ABCA13: variants seen among roughly 807,000 people sequenced by gnomAD.
ABCA13 encodes ATP-binding cassette sub-family A member 13.
A neutral mutation model predicts 478.7 loss-of-function variants in ABCA13; 476 were observed. That is an observed-to-expected ratio of 0.99 (90% CI 0.92 to 1.07). ABCA13 has a LOEUF of 1.07. ABCA13 is among the 50% of genes least tolerant of loss of function. The probability of loss-of-function intolerance (pLI) is 0.00; values close to 1 mark genes in which losing one functional copy is unlikely to be tolerated. For synonymous variants in ABCA13, 2,252 were observed against 2,158.9 expected (o/e 1.04, Z -1.20); for missense variants, 6,060 against 5,910.6 (o/e 1.03, Z -0.83).
chr7:48,270,010 C>A (rs114285803), intron 16 of ABCA13, among the ~76,000 whole-genome samples: 77 of 152,196 alleles, frequency 5.1e-4, no homozygotes, highest in African/African-American at 1.7e-3. Context: ...CCTAGAAAAC[C>A]AGCACAAAAC....
intron 8 of ABCA13, among the ~76,000 whole-genome samples, chr7:48,236,352 A>G (rs1159959805): frequency 6.6e-6 from 1 of 152,194 alleles, no homozygotes; most frequent in Non-Finnish European, 1.5e-5. Flanking sequence ...TTCTTTATAA[A>G]TCTAAATTTC....
chr7:48,403,859 T>G lies in ABCA13; in HGVS notation c.12050T>G (p.Ile4017Ser). Residue 4017 changes from isoleucine to serine, a missense_variant, in exon 39 of 62, where the codon ATT becomes AGT. Ile to Ser is a moderately radical substitution (Grantham distance 142, BLOSUM62 -2). Around this residue, in one of 3 missense-constraint regions of ABCA13, gnomAD observed 1,627 missense variants for 1,571.0 expected, o/e 1.04. Coordinates refer to ENST00000435803, the MANE Select transcript of ABCA13 (RefSeq NM_152701.5). ...DPCSRHSLWD[I>S]LLKYREGRTI... ...TGCTCCCGGCATAGCCTGTGGGACA[T>G]TCTGCTCAAGTACCGAGAAGGTAGG... The G allele has an allele frequency of 6.2e-7, 1 of 1,613,510 alleles. No homozygotes were observed. The highest frequency in any genetic ancestry group is 8.5e-7 in the Non-Finnish European group (1 of 1,179,650).
At chr7:48,289,096 C>G (rs964089162) in intron 20 of ABCA13, among the ~76,000 whole-genome samples, 1 of 152,154 alleles carries the variant, frequency 6.6e-6, no homozygotes, top group South Asian at 2.1e-4. Context: ...CAGACTCCCA[C>G]AGCATGGCAA....
intron 31 of ABCA13, among the ~76,000 whole-genome samples, chr7:48,360,680 C>T (rs1810683257): frequency 6.6e-6 from 1 of 151,948 alleles, no homozygotes; most frequent in Admixed American, 6.5e-5. Context: ...CATTCTTTGT[C>T]GTTGTGATTC....
At chr7:48,256,473 A>G (rs1403352832) in intron 15 of ABCA13, among the ~76,000 whole-genome samples, 5 of 152,026 alleles carry the variant, frequency 3.3e-5, no homozygotes, top group African/African-American at 1.2e-4. Context: ...TGATTTTTTT[A>G]TATGAGATGA....
At chr7:48,237,534 T>C (rs1562847786) in intron 8 of ABCA13, among the ~76,000 whole-genome samples, 1 of 152,216 alleles carries the variant, frequency 6.6e-6, no homozygotes, top group Non-Finnish European at 1.5e-5. Context: ...TCAGCCATGC[T>C]AGACTTCTCT....
chr7:48,527,095 G>A (rs1292532188), intron 54 of ABCA13, among the ~76,000 whole-genome samples: 1 of 152,160 alleles, frequency 6.6e-6, no homozygotes, highest in African/African-American at 2.4e-5. Context: ...AAGGTGGGAG[G>A]ACAGGGTATG....
chr7:48,408,771 GTACA>G (rs1486008479), intron 39 of ABCA13, among the ~76,000 whole-genome samples: 32 of 152,042 alleles, frequency 2.1e-4, no homozygotes, highest in Admixed American at 2.0e-3. Context: ...GGGGTTTGTT[GTACA>G]GATTATTGCA....
Position 48,248,388 on chromosome 7 carries a change from C to T in ABCA13, c.1809C>T (p.Pro603=). 4 of 1,613,470 alleles carry T rather than the reference C, an allele frequency of 2.5e-6. No individual in the cohort carries two copies. Among genetic ancestry groups the T allele is most frequent in the Non-Finnish European group, 3.4e-6 (4 of 1,179,622 alleles). ...TCTTCCTGCTGCTGGGAGCTGATCC[C>T]TCTCCTGAGAATGATGTCTTTTCTA... The part of the protein sequence containing the change: ...TRLFLLLGAD[P]SPENDVFSSD... Residue 603 remains proline (P), a synonymous_variant, in exon 14 of 62, where the codon CCC becomes CCT. Coordinates refer to ENST00000435803, the MANE Select transcript of ABCA13 (RefSeq NM_152701.5).
At chr7:48,575,558 A>C (rs1788084917) in intron 55 of ABCA13, among the ~76,000 whole-genome samples, 1 of 152,224 alleles carries the variant, frequency 6.6e-6, no homozygotes, top group South Asian at 2.1e-4. Context: ...AAACTTGAGA[A>C]ATTGTTCTAC....
intron 9 of ABCA13, 69 bp downstream of exon 9, chr7:48,239,474 C>G: frequency 6.8e-7 from 1 of 1,481,330 alleles, no homozygotes; most frequent in Non-Finnish European, 9.0e-7. Context: ...CATTCTCCTC[C>G]CCTGCCCTGC....
chr7:48,568,194 C>G (rs1787271866), intron 55 of ABCA13, among the ~76,000 whole-genome samples: 3 of 152,076 alleles, frequency 2.0e-5, no homozygotes, highest in African/African-American at 7.2e-5. Context: ...ATTGCGTCCC[C>G]CCATTGTCAA....
At chr7:48,229,514 T>G (rs1788741483) in intron 6 of ABCA13, among the ~76,000 whole-genome samples, 1 of 152,232 alleles carries the variant, frequency 6.6e-6, no homozygotes, top group Non-Finnish European at 1.5e-5. Context: ...GCAGGAAGAA[T>G]CAAGGCTGAG....
rs1050841149 is a variant in ABCA13, at chr7:48,273,645, C to G, written c.3979C>G (p.Leu1327Val). Reference protein sequence around the residue: ...GEKFENIITELREAIVFLRNV... With the variant: ...GEKFENIITEVREAIVFLRNV... ...AAAATTTGAAAATATCATCACTGAG[C>G]TAAGAGAAGCAATAGTATTTCTTAG... The change falls in exon 17 of 62, where the codon CTA becomes GTA. Residue 1327 changes from leucine (L) to valine (V), a missense_variant. Coordinates refer to ENST00000435803, the MANE Select transcript of ABCA13 (RefSeq NM_152701.5). The G allele has an allele frequency of 2.5e-6, 4 of 1,606,380 alleles. No homozygotes were observed. Among genetic ancestry groups the G allele is most frequent in the Admixed American group, 3.4e-5 (2 of 58,946 alleles).
At chr7:48,193,138 T>A in intron 2 of ABCA13, 86 bp downstream of exon 2, 3 of 950,278 alleles carry the variant, frequency 3.2e-6, no homozygotes, top group Non-Finnish European at 4.7e-6. Context: ...TTATAAACTC[T>A]GAATGCTGAG....
chr7:48,273,117 C>T lies in ABCA13; in HGVS notation c.3451C>T (p.Leu1151Phe). 6.2e-7 allele frequency: 1 copy of T among 1,613,698 alleles called. No individual in the cohort carries two copies. The highest frequency in any genetic ancestry group is 8.5e-7 in the Non-Finnish European group (1 of 1,179,762). ...GTCCATTCACTGTACCGTTTCATGG[C>T]TTCAAATGTGGACTGAAATCTGGGA... ...FMSIHCTVSW[L>F]QMWTEIWETI... Residue 1151 changes from leucine to phenylalanine, a missense_variant, in exon 17 of 62, where the codon CTT (leucine) becomes TTT (phenylalanine). Around this residue, in one of 3 missense-constraint regions of ABCA13, gnomAD observed 4,423 missense variants for 4,309.1 expected, o/e 1.03. Transcript: ENST00000435803.
At chr7:48,325,655 A>G (rs1455566775) in intron 27 of ABCA13, among the ~76,000 whole-genome samples, 1 of 152,126 alleles carries the variant, frequency 6.6e-6, no homozygotes, top group African/African-American at 2.4e-5. Flanking sequence ...AAAAGAGAAA[A>G]CTGGTTAAGT....
chr7:48,404,514 G>A (rs570666166), intron 39 of ABCA13: 2 of 156,068 alleles, frequency 1.3e-5, no homozygotes, highest in South Asian at 3.9e-4. Flanking sequence ...GTAAATAAGT[G>A]TAGAGGCATC....
intron 49 of ABCA13, among the ~76,000 whole-genome samples, chr7:48,506,754 T>G (rs1021221054): frequency 2.6e-5 from 4 of 152,180 alleles, no homozygotes; most frequent in Non-Finnish European, 4.4e-5. Context: ...TAACGCCTCC[T>G]TGAATATTTC....
Sources: allele counts gnomAD v4.1 joint callset (sites outside exome capture counted in the v4.1 genomes callset), GRCh38; gene constraint gnomAD v4.1.1; regional missense constraint gnomAD v4.1.1; transcripts MANE v1.5; gene names NCBI Gene and HGNC (gene_info 2026-07-23, HGNC 2026-07-21).